The following RPAIN variants were observed in gnomAD, a reference collection of about 807,000 sequenced individuals.
The protein encoded by RPAIN is RPA-interacting protein.
A neutral mutation model predicts 30.5 loss-of-function variants in RPAIN; 29 were observed. That is an observed-to-expected ratio of 0.95 (90% confidence interval 0.71 to 1.30). RPAIN has a LOEUF of 1.30. Among genes scored for constraint, RPAIN ranks in the 50% most tolerant of loss-of-function variants. RPAIN has a pLI of 0.00. For synonymous variants in RPAIN, 101 were observed against 93.5 expected (o/e 1.08, Z -0.46); for missense variants, 247 against 264.7 (o/e 0.93, Z 0.46).
chr17:5,428,466 T>C, intron 6 of RPAIN: 1 of 1,429,342 alleles, frequency 7.0e-7, no homozygotes, highest in East Asian at 2.5e-5. Flanking sequence ...CCACACCTGC[T>C]CTTCTTTGAT....
chr17:5,428,781 G>GTA (rs1181904142), intron 6 of RPAIN: 2 of 991,162 alleles, frequency 2.0e-6, no homozygotes. Context: ...ATGTACATGT[G>GTA]TATATATATC....
At chr17:5,426,190 C>T in intron 4 of RPAIN, 46 bp from the exon 5 acceptor site, 1 of 1,598,294 alleles carries the variant, frequency 6.3e-7, no homozygotes, top group Non-Finnish European at 8.6e-7. Context: ...TTTGGAGATC[C>T]AGGTCTGGTG....
rs535943318 is a variant in RPAIN at position 5,428,187 on chromosome 17, G to C, written c.606G>C (p.Lys202Asn). The C allele has an allele frequency of 3.7e-6, 6 of 1,614,072 alleles. No individual in the cohort carries two copies. The highest frequency in any genetic ancestry group is 5.1e-6 in the Non-Finnish European group (6 of 1,180,036). Residue 202 changes from lysine (K) to asparagine (N), a missense_variant, in exon 6 of 7, where the codon AAG (lysine) becomes AAC (asparagine). Coordinates refer to ENST00000381209, the MANE Select transcript of RPAIN (RefSeq NM_001033002.4). ...EFSVTGGTEE[K>N]SSLLMSCLAC... ...CAGTCACTGGAGGAACAGAAGAAAA[G>C]TCCAGTCTTCTCATGAGCTGTCTGG...
intron 6 of RPAIN, chr17:5,431,762 A>C (rs980848178): frequency 1.5e-5 from 6 of 410,716 alleles, no homozygotes; most frequent in Non-Finnish European, 2.4e-5. Flanking sequence ...GGCGGTGCTC[A>C]AGTGGTGGTC....
At chr17:5,428,822 G>T in intron 6 of RPAIN, 1 of 987,466 alleles carries the variant, frequency 1.0e-6, no homozygotes, top group South Asian at 4.7e-5. Flanking sequence ...AATATGATAC[G>T]TATTATTATT....
At chr17:5,426,153 C>G (rs1915367387) in intron 4 of RPAIN, 71 bp downstream of exon 4, 1 of 1,565,778 alleles carries the variant, frequency 6.4e-7, no homozygotes, top group Non-Finnish European at 8.8e-7. Context: ...GGAATCTCCC[C>G]CCAGATTTGT....
At chr17:5,431,967 A>G in intron 6 of RPAIN, 1 of 265,352 alleles carries the variant, frequency 3.8e-6, no homozygotes, top group Non-Finnish European at 7.3e-6. Flanking sequence ...CTGATTTTTC[A>G]CACAAAAAAA....
In RPAIN at chr17:5,428,097, T is replaced by C. The variant is rs904610958; in HGVS notation, c.516T>C (p.Leu172=). 8.7e-6 allele frequency: 14 copies of C among 1,614,070 alleles called. No homozygotes were observed. Among genetic ancestry groups the C allele is most frequent in the Non-Finnish European group, 1.2e-5 (14 of 1,180,044 alleles). The change falls in exon 6 of 7, where the codon CTT becomes CTC. Residue 172 remains leucine (L), a synonymous_variant. Coordinates refer to ENST00000381209, the MANE Select transcript of RPAIN (RefSeq NM_001033002.4). ...SHSSELTEQK[L]RACLEGSINE... ...CTTCTGAGTTGACAGAGCAGAAGCT[T>C]CGTGCCTGTTTAGAGGGTAGTATAA...
intron 4 of RPAIN, 47 bp downstream of exon 4, chr17:5,426,129 A>C (rs367699846): frequency 1.9e-6 from 3 of 1,560,392 alleles, no homozygotes; most frequent in African/African-American, 2.7e-5. Flanking sequence ...CCCATTCCCC[A>C]CTCCAAGGTG....
intron 2 of RPAIN, 44 bp from the exon 3 acceptor site, chr17:5,422,725 T>TAATC: frequency 6.3e-7 from 1 of 1,576,390 alleles, no homozygotes; most frequent in South Asian, 1.1e-5. Context: ...GCTTGGTTGG[T>TAATC]GATTAATACT....
rs950853017 is a variant in RPAIN, at chr17:5,432,742, G to A, written c.*171G>A. On this transcript the variant is annotated 3_prime_UTR_variant, in exon 7 of 7. Transcript: ENST00000381209. Reference sequence around the variant, plus strand: ...CTGTTCTTGGTCTTTTGTGACGCAGGTTGAAGGGGGAGGAATAGAAAAAGA... The same window carrying A: ...CTGTTCTTGGTCTTTTGTGACGCAGATTGAAGGGGGAGGAATAGAAAAAGA... The A allele has an allele frequency of 1.3e-6, 1 of 778,272 alleles. No homozygotes were observed. Among genetic ancestry groups the A allele is most frequent in the Non-Finnish European group, 2.0e-6 (1 of 503,646 alleles). The allele number at this position is 778,272 out of a possible 1,614,324, so 48.2% of individuals were successfully genotyped here.
At chr17:5,427,858 A>C (rs1380129242) in intron 5 of RPAIN, 2 of 579,208 alleles carry the variant, frequency 3.5e-6, no homozygotes, top group Non-Finnish European at 6.2e-6. Flanking sequence ...GTTTGACAGC[A>C]GGAGTAGAGG....
intron 6 of RPAIN, chr17:5,431,805 A>G (rs1915983622): frequency 1.1e-5 from 4 of 366,840 alleles, no homozygotes; most frequent in South Asian, 6.1e-5. Context: ...GCCTATTAGC[A>G]GAGTTACAGT....
At chr17:5,427,924 C>T (rs1915554317) in intron 5 of RPAIN, 147 bp from the exon 6 acceptor site, 3 of 738,230 alleles carry the variant, frequency 4.1e-6, no homozygotes, top group Middle Eastern at 4.0e-4. Flanking sequence ...GATCTTGGTA[C>T]AGTCATGGGC....
At chr17:5,428,416 C>T (rs1224368609) in intron 6 of RPAIN, 1 of 1,467,610 alleles carries the variant, frequency 6.8e-7, no homozygotes, top group Non-Finnish European at 9.0e-7. Context: ...AGCATGGGAT[C>T]ACGGCAAGAG....
rs1291517741 is a variant in RPAIN, at chr17:5,432,518, A to G, written c.631-24A>G. ...TCATGACTAGAATACAATTTAAGCTAATTATTTTCCTGTTTAAACCTAGGC... is the reference window on the plus strand; with the variant it reads ...TCATGACTAGAATACAATTTAAGCTGATTATTTTCCTGTTTAAACCTAGGC... On this transcript the variant is annotated intron_variant, in intron 6 of 6. Transcript: ENST00000381209. 1.9e-6 allele frequency: 3 copies of G among 1,608,694 alleles called. No individual in the cohort carries two copies. In the South Asian group the frequency reaches 3.3e-5, roughly 18 times the overall value.
Position 5,423,002 on chromosome 17 carries a change from G to C in RPAIN, c.313+173G>C, listed in dbSNP as rs1375493181. The C allele has an allele frequency of 7.0e-6, 4 of 572,050 alleles. No individual in the cohort carries two copies. The East Asian group carries it at 1.2e-4, about 17-fold the overall frequency. 35.4% of individuals were successfully genotyped at this position (572,050 alleles called of 1,614,324 possible). ...GGCTGTCTAGCTTCTCAATAATAAGGGTCTCCAGGGTGCTAGACCTTGTGC... is the reference window on the plus strand; with the variant it reads ...GGCTGTCTAGCTTCTCAATAATAAGCGTCTCCAGGGTGCTAGACCTTGTGC... On this transcript the variant is annotated intron_variant, in intron 3 of 6. Transcript: ENST00000381209.
At chr17:5,429,713 G>C (rs1268583650) in intron 6 of RPAIN, 1 of 985,356 alleles carries the variant, frequency 1.0e-6, no homozygotes, top group Non-Finnish European at 1.2e-6. Context: ...GGTAGCAGAT[G>C]CTCAAATATG....
intron 3 of RPAIN, 72 bp from the exon 4 acceptor site, chr17:5,425,899 C>G (rs943602467): frequency 2.1e-6 from 2 of 948,514 alleles, no homozygotes; most frequent in African/African-American, 3.2e-5. Context: ...AAGCCTTTGA[C>G]AGTGAAGTTT....
Sources: gnomAD v4.1 joint callset for allele counts on GRCh38, gnomAD v4.1.1 for gene constraint, MANE v1.5 for transcripts, NCBI Gene and HGNC (gene_info 2026-07-23, HGNC 2026-07-21) for gene names.